The following SEPTIN14 variants were observed in gnomAD, a reference collection of about 807,000 sequenced individuals.
SEPTIN14 encodes the protein septin 14.
A neutral mutation model predicts 53.6 loss-of-function variants in SEPTIN14; 40 were observed. That is an observed-to-expected ratio of 0.75 (90% CI 0.58 to 0.97). The LOEUF is 0.97. Among genes scored for constraint, SEPTIN14 ranks in the 50% least tolerant of loss-of-function variants. The probability of loss-of-function intolerance (pLI) is 0.00; values close to 1 mark genes in which losing one functional copy is unlikely to be tolerated. For missense variants in SEPTIN14, 471 were observed against 508.2 expected, an observed-to-expected ratio of 0.93 and a Z score of 0.70; for synonymous variants, 138 against 166.8, an observed-to-expected ratio of 0.83 and a Z score of 1.33.
rs146913402 is a variant in SEPTIN14 at position 55,860,315 on chromosome 7, C to T, written c.54+1628G>A. Among the ~76,000 whole-genome samples, 542 of 152,166 alleles carry T rather than the reference C, an allele frequency of 3.6e-3. 5 individuals carry two copies. The highest frequency in any genetic ancestry group is 0.012 in the African/African-American group (512 of 41,510). ...GAAAGACAAATATGTCACTCATATG[C>T]ATCAGCTTAAAAAGTTGACCTCATA... On this transcript the variant is annotated intron_variant, in intron 2 of 9. Transcript: ENST00000388975.
chr7:55,816,182 T>C (rs1250269114), intron 7 of SEPTIN14, among the ~76,000 whole-genome samples: 3 of 152,046 alleles, frequency 2.0e-5, no homozygotes, highest in African/African-American at 7.2e-5. Flanking sequence ...GAGTGGAATG[T>C]TGATTACCAG....
chr7:55,859,167 G>C (rs1789699578), intron 2 of SEPTIN14, among the ~76,000 whole-genome samples: 1 of 151,000 alleles, frequency 6.6e-6, no homozygotes, highest in Non-Finnish European at 1.5e-5. Flanking sequence ...AAAAAAAAAA[G>C]TATTGTCAAG....
chr7:55,843,143 A>G lies in SEPTIN14; in HGVS notation c.372-15T>C. 6.6e-7 allele frequency: 1 copy of G among 1,513,364 alleles called. No individual in the cohort carries two copies. Among genetic ancestry groups the G allele is most frequent in the Non-Finnish European group, 8.9e-7 (1 of 1,124,914 alleles). 93.7% of individuals were successfully genotyped at this position (1,513,364 alleles called of 1,614,324 possible). ...TTGGTTGGTAGCTAAAAAAAAATTT[A>G]TACATTTAGCATAACAGACTAATAA... On this transcript the variant is annotated splice_polypyrimidine_tract_variant and intron_variant, in intron 4 of 9. Transcript: ENST00000388975.
At chr7:55,854,832 A>G (rs531333895) in intron 2 of SEPTIN14, among the ~76,000 whole-genome samples, 2 of 152,334 alleles carry the variant, frequency 1.3e-5, no homozygotes, top group South Asian at 4.1e-4. Context: ...ACAAGAATCT[A>G]CAGAGCATCT....
intron 9 of SEPTIN14, among the ~76,000 whole-genome samples, chr7:55,797,628 C>T (rs1260596937): frequency 6.6e-6 from 1 of 152,186 alleles, no homozygotes; most frequent in Non-Finnish European, 1.5e-5. Flanking sequence ...TTCAGGACCA[C>T]TAGGTGTACC....
intron 6 of SEPTIN14, among the ~76,000 whole-genome samples, chr7:55,822,371 C>T (rs1346302129): frequency 2.0e-5 from 3 of 152,132 alleles, no homozygotes; most frequent in African/African-American, 7.2e-5. Flanking sequence ...ATCAAAATTT[C>T]ACCAAATTAT....
intron 5 of SEPTIN14, among the ~76,000 whole-genome samples, chr7:55,835,195 T>A (rs1789183276): frequency 6.6e-6 from 1 of 151,762 alleles, no homozygotes; most frequent in South Asian, 2.1e-4. Flanking sequence ...TTTTATTTAT[T>A]TATTTATTTA....
At chr7:55,829,802 C>A (rs1789061805) in intron 6 of SEPTIN14, among the ~76,000 whole-genome samples, 1 of 101,666 alleles carries the variant, frequency 9.8e-6, no homozygotes. Flanking sequence ...GCCTGGGTGA[C>A]AGAACGAGAC....
At chr7:55,816,739 A>G (rs1169441957) in intron 7 of SEPTIN14, among the ~76,000 whole-genome samples, 1 of 152,124 alleles carries the variant, frequency 6.6e-6, no homozygotes, top group East Asian at 1.9e-4. Context: ...CAAAGGTTGC[A>G]GTGAGCCAAG....
At position 55,828,596 on chromosome 7, in the gene SEPTIN14, A is replaced by ACG. The variant is rs1207666322; in HGVS notation, c.720+5828_720+5829insCG. ...TGGGATTACAGGCGTGAGCCACTGC[A>ACG]CCCGGCCAGATGAAAGCTTTAACAA... On this transcript the variant is annotated intron_variant, in intron 6 of 9. Coordinates refer to ENST00000388975, the MANE Select transcript of SEPTIN14 (RefSeq NM_207366.3). Among the ~76,000 whole-genome samples the ACG allele has an allele frequency of 2.0e-5, 3 of 151,732 alleles. No homozygotes were observed. The East Asian group carries it at 5.8e-4, about 29-fold the overall frequency.
At chr7:55,821,555 A>G (rs1788897014) in intron 6 of SEPTIN14, among the ~76,000 whole-genome samples, 1 of 152,246 alleles carries the variant, frequency 6.6e-6, no homozygotes, top group Non-Finnish European at 1.5e-5. Flanking sequence ...AATTCAAAAC[A>G]TATTACAAAG....
At position 55,834,441 on chromosome 7, in the gene SEPTIN14, G is replaced by A. The variant is rs757663701; in HGVS notation, c.704C>T (p.Ala235Val). 5.6e-6 allele frequency: 9 copies of A among 1,609,804 alleles called. No individual in the cohort carries two copies. Among genetic ancestry groups the A allele is most frequent in the South Asian group, 2.2e-5 (2 of 90,164 alleles). ...GAAACTTACACTAACTGAGGAGTTC[G>A]CTTGAGCAGCAGTTTCTTCATCTGT... ...LPTDEETAAQANSSVSGLLPF... is the reference protein window; with the variant it reads ...LPTDEETAAQVNSSVSGLLPF... Residue 235 changes from alanine to valine, a missense_variant, in exon 6 of 10, where the codon GCG (alanine) becomes GTG (valine). Coordinates refer to ENST00000388975, the MANE Select transcript of SEPTIN14 (RefSeq NM_207366.3).
intron 6 of SEPTIN14, among the ~76,000 whole-genome samples, chr7:55,832,842 C>A (rs1448127369): frequency 6.7e-6 from 1 of 149,624 alleles, no homozygotes; most frequent in African/African-American, 2.5e-5. Context: ...AGAGTGAGAT[C>A]ATGTCTCAAA....
At position 55,843,244 on chromosome 7, in the gene SEPTIN14, A is replaced by G. The variant is rs1789346440; in HGVS notation, c.372-116T>C. The G allele has an allele frequency of 9.1e-6, 5 of 551,264 alleles. No homozygotes were observed. The South Asian group carries it at 1.5e-4, about 17-fold the overall frequency. 34.1% of individuals were successfully genotyped at this position (551,264 alleles called of 1,614,324 possible). Reference sequence around the variant, plus strand: ...AGCAGTTTGCTATAGTGATGAAGAAAAAGTTCATAACATGTCCATACAAAG... The same window carrying G: ...AGCAGTTTGCTATAGTGATGAAGAAGAAGTTCATAACATGTCCATACAAAG... On this transcript the variant is annotated intron_variant, in intron 4 of 9. Transcript: ENST00000388975.
chr7:55,830,349 A>AT (rs1216458496), intron 6 of SEPTIN14, among the ~76,000 whole-genome samples: 1,220 of 56,728 alleles, frequency 0.022, 52 homozygotes, highest in Middle Eastern at 0.056. Flanking sequence ...ATATATATAT[A>AT]TTTTTTTTTT....
At chr7:55,851,709 A>G (rs1789517373) in intron 2 of SEPTIN14, among the ~76,000 whole-genome samples, 1 of 152,138 alleles carries the variant, frequency 6.6e-6, no homozygotes, top group Non-Finnish European at 1.5e-5. Context: ...GACATTCTCC[A>G]CAGAAATAGA....
intron 2 of SEPTIN14, among the ~76,000 whole-genome samples, chr7:55,854,680 G>A (rs1056133787): frequency 8.6e-5 from 13 of 151,940 alleles, no homozygotes; most frequent in African/African-American, 2.2e-4. Context: ...CGCCCACCTC[G>A]GCCTCCCAAA....
chr7:55,861,650 T>C (rs1476312152), intron 2 of SEPTIN14, among the ~76,000 whole-genome samples: 2 of 152,224 alleles, frequency 1.3e-5, no homozygotes, highest in South Asian at 2.1e-4. Flanking sequence ...ACAGCACTGT[T>C]CTTCTCATTT....
At chr7:55,839,157 G>T (rs11980000) in intron 5 of SEPTIN14, among the ~76,000 whole-genome samples, 11,999 of 152,140 alleles carry the variant, frequency 0.079, 1,163 homozygotes, top group African/African-American at 0.23. Context: ...GGAGGCTGAG[G>T]CAGGCGGATC....
Sources: allele counts gnomAD v4.1 joint callset (sites outside exome capture counted in the v4.1 genomes callset), GRCh38; gene constraint gnomAD v4.1.1; transcripts MANE v1.5; gene names NCBI Gene and HGNC (gene_info 2026-07-23, HGNC 2026-07-21).